TMEM106B: variants seen among roughly 807,000 people sequenced by gnomAD.
TMEM106B encodes the protein transmembrane protein 106B.
In TMEM106B, 15 loss-of-function variants were observed where a neutral mutation model predicts 31.1. That is an observed-to-expected ratio of 0.48 (90% CI 0.32 to 0.74). The LOEUF (loss-of-function observed/expected upper bound fraction) is 0.74. TMEM106B is among the 30% of genes least tolerant of loss of function. The probability of loss-of-function intolerance (pLI) is 0.03; values close to 1 mark genes in which losing one functional copy is unlikely to be tolerated. For synonymous variants in TMEM106B, 126 were observed against 112.5 expected (o/e 1.12, Z -0.76); for missense variants, 283 against 327.3 (o/e 0.86, Z 1.04).
chr7:12,224,174 G>T (rs11509153), intron 3 of TMEM106B, 52 bp from the exon 4 acceptor site: 1 of 1,523,836 alleles, frequency 6.6e-7, no homozygotes, highest in Middle Eastern at 1.7e-4. Flanking sequence ...CTAATGTTGT[G>T]TTATATAATT....
chr7:12,220,555 C>T (rs768628275), intron 3 of TMEM106B, among the ~76,000 whole-genome samples: 2 of 152,120 alleles, frequency 1.3e-5, no homozygotes, highest in Admixed American at 6.5e-5. Flanking sequence ...AATAGAAATG[C>T]AAATTAAAGC....
At chr7:12,218,640 A>G (rs1241518020) in intron 3 of TMEM106B, 119 bp downstream of exon 3, 1 of 772,958 alleles carries the variant, frequency 1.3e-6, no homozygotes, top group African/African-American at 1.8e-5. Flanking sequence ...TCACGTAGTT[A>G]AATTATGTCA....
In TMEM106B at chr7:12,238,951, C is replaced by T. The variant is rs780372853; in HGVS notation, c.*6976C>T. The T allele has an allele frequency of 1.3e-5, 2 of 152,116 alleles. No homozygotes were observed. Among genetic ancestry groups the T allele is most frequent in the Non-Finnish European group, 2.9e-5 (2 of 68,028 alleles). The allele number at this position is 152,116 out of a possible 1,614,324, so 9.4% of individuals were successfully genotyped here. Reference sequence around the variant, plus strand: ...AACTTAAAGTCACCAGCTACATTCACCACTAAAGAGAGTCAGCCTGTCCTT... The same window carrying T: ...AACTTAAAGTCACCAGCTACATTCATCACTAAAGAGAGTCAGCCTGTCCTT... On this transcript the variant is annotated 3_prime_UTR_variant, in exon 8 of 8. Coordinates refer to ENST00000396668, the MANE Select transcript of TMEM106B (RefSeq NM_001134232.2).
At chr7:12,221,580 C>T (rs1781788411) in intron 3 of TMEM106B, among the ~76,000 whole-genome samples, 1 of 152,096 alleles carries the variant, frequency 6.6e-6, no homozygotes, top group Admixed American at 6.5e-5. Flanking sequence ...GGACATCAGC[C>T]AGCACAGGGC....
At chr7:12,219,503 T>C (rs1781747392) in intron 3 of TMEM106B, among the ~76,000 whole-genome samples, 2 of 152,148 alleles carry the variant, frequency 1.3e-5, no homozygotes, top group South Asian at 4.1e-4. Context: ...TTGAAGAAAG[T>C]AAGCTAAGCA....
chr7:12,224,155 A>G (rs2128525961), intron 3 of TMEM106B, 71 bp from the exon 4 acceptor site: 2 of 1,421,588 alleles, frequency 1.4e-6, no homozygotes, highest in Non-Finnish European at 9.8e-7. Flanking sequence ...GAAATTGAAC[A>G]TACCTTCTCT....
chr7:12,232,592 C>T lies in TMEM106B; in HGVS notation c.*617C>T, dbSNP rs1782047339. Reference sequence around the variant, plus strand: ...AGCCAAAATAATCTTTGCAAAATTCCATACCTAAAATTTTGAAAGCCCCTA... The same window carrying T: ...AGCCAAAATAATCTTTGCAAAATTCTATACCTAAAATTTTGAAAGCCCCTA... On this transcript the variant is annotated 3_prime_UTR_variant, in exon 8 of 8. Transcript: ENST00000396668. The T allele has an allele frequency of 6.6e-6, 1 of 152,254 alleles. No homozygotes were observed. The allele number at this position is 152,254 out of a possible 1,614,324, so 9.4% of individuals were successfully genotyped here.
rs1782069004 is a variant in TMEM106B at position 12,233,506 on chromosome 7, T to C, written c.*1531T>C. ...TAAACACACTCAGGTTTCCCCTTAA[T>C]TTTCATATTATTTTCTGCAAGTTTT... On this transcript the variant is annotated 3_prime_UTR_variant, in exon 8 of 8. Coordinates refer to ENST00000396668, the MANE Select transcript of TMEM106B (RefSeq NM_001134232.2). 1 of 151,530 alleles carries C rather than the reference T, an allele frequency of 6.6e-6. No individual in the cohort carries two copies. Among genetic ancestry groups the C allele is most frequent in the African/African-American group, 2.4e-5 (1 of 41,380 alleles). The allele number at this position is 151,530 out of a possible 1,614,324, so 9.4% of individuals were successfully genotyped here.
At chr7:12,231,355 T>C (rs1458695088) in intron 7 of TMEM106B, 3 of 403,936 alleles carry the variant, frequency 7.4e-6, no homozygotes, top group African/African-American at 6.3e-5. Context: ...TTCAGGAAAA[T>C]GGAAAGGATA....
chr7:12,225,447 G>T (rs928648941), intron 4 of TMEM106B, among the ~76,000 whole-genome samples: 4 of 152,170 alleles, frequency 2.6e-5, no homozygotes, highest in African/African-American at 9.7e-5. Flanking sequence ...TCACCACACT[G>T]TCTTCCACAA....
At chr7:12,212,543 C>T (rs550567589) in intron 1 of TMEM106B, among the ~76,000 whole-genome samples, 6 of 150,756 alleles carry the variant, frequency 4.0e-5, no homozygotes, top group Admixed American at 2.6e-4. Flanking sequence ...TGTTTGCATA[C>T]CATTTGTATA....
At chr7:12,215,709 C>T (rs181321569) in intron 2 of TMEM106B, 28 of 248,684 alleles carry the variant, frequency 1.1e-4, no homozygotes, top group East Asian at 7.7e-4. Flanking sequence ...TGAGCCACCA[C>T]GCCTGGCCAA....
rs1782044630 is a variant in TMEM106B at position 12,232,430 on chromosome 7, AT to A, written c.*457del. 1 of 152,210 alleles carries A rather than the reference AT, an allele frequency of 6.6e-6. No individual in the cohort carries two copies. The highest frequency in any genetic ancestry group is 1.5e-5 in the Non-Finnish European group (1 of 68,048). The allele number at this position is 152,210 out of a possible 1,614,324, so 9.4% of individuals were successfully genotyped here. A position where few individuals can be genotyped will look rare whatever the true frequency, so the allele number is the denominator to read the frequency against. ...CTTTTTTCCTGTTTTATAAATTCCC[AT>A]TGTTATATGGTAGTATTTCAGCTAC... On this transcript the variant is annotated 3_prime_UTR_variant, in exon 8 of 8. Transcript: ENST00000396668.
rs145657489 is a variant in TMEM106B at position 12,240,005 on chromosome 7, A to G, written c.*8030A>G. ...AAAACCACAATATCTGCAAAACGCAATAAGGTGATGCACAATAAAAGGAAG... is the reference window on the plus strand; with the variant it reads ...AAAACCACAATATCTGCAAAACGCAGTAAGGTGATGCACAATAAAAGGAAG... On this transcript the variant is annotated 3_prime_UTR_variant, in exon 8 of 8. Coordinates refer to ENST00000396668, the MANE Select transcript of TMEM106B (RefSeq NM_001134232.2). The G allele has an allele frequency of 1.2e-4, 18 of 152,260 alleles. No individual in the cohort carries two copies. In the East Asian group the frequency reaches 2.5e-3, roughly 21 times the overall value. The allele number at this position is 152,260 out of a possible 1,614,324, so 9.4% of individuals were successfully genotyped here.
At chr7:12,226,581 G>A (rs1356995835) in intron 4 of TMEM106B, among the ~76,000 whole-genome samples, 3 of 152,036 alleles carry the variant, frequency 2.0e-5, no homozygotes, top group Non-Finnish European at 4.4e-5. Flanking sequence ...TTAATGGTGT[G>A]GTTAAGGTTG....
rs1190453865 is a variant in TMEM106B, at chr7:12,242,075, A to AT, written c.*10102dup. 2 of 107,068 alleles carry AT rather than the reference A, an allele frequency of 1.9e-5. No individual in the cohort carries two copies. The highest frequency in any genetic ancestry group is 9.9e-5 in the African/African-American group (2 of 20,222). 6.6% of individuals were successfully genotyped at this position (107,068 alleles called of 1,614,324 possible). A position where few individuals can be genotyped will look rare whatever the true frequency, so the allele number is the denominator to read the frequency against. The stretch of plus-strand genomic sequence containing the variant: ...GAAGTGTAAGGTACTTAATTCTTAA[A>AT]TTAAAAAAAAATACCCGGCCGGGCA... On this transcript the variant is annotated 3_prime_UTR_variant, in exon 8 of 8. Coordinates refer to ENST00000396668, the MANE Select transcript of TMEM106B (RefSeq NM_001134232.2).
chr7:12,224,158 C>T, intron 3 of TMEM106B, 68 bp from the exon 4 acceptor site: 1 of 1,429,458 alleles, frequency 7.0e-7, no homozygotes, highest in Non-Finnish European at 9.7e-7. Flanking sequence ...ATTGAACATA[C>T]CTTCTCTAAT....
intron 1 of TMEM106B, among the ~76,000 whole-genome samples, chr7:12,212,166 C>T (rs916574358): frequency 6.6e-6 from 1 of 152,200 alleles, no homozygotes; most frequent in African/African-American, 2.4e-5. Context: ...TAGATTAGGA[C>T]AGAAAACAGG....
intron 6 of TMEM106B, chr7:12,230,645 T>G: frequency 5.0e-6 from 2 of 398,138 alleles, no homozygotes; most frequent in Non-Finnish European, 8.8e-6. Flanking sequence ...TTTTTATTTA[T>G]TTTTCAGAAT....
Sources: gnomAD v4.1 joint callset for allele counts (sites outside exome capture counted in the v4.1 genomes callset) on GRCh38, gnomAD v4.1.1 for gene constraint, MANE v1.5 for transcripts, NCBI Gene and HGNC (gene_info 2026-07-23, HGNC 2026-07-21) for gene names.